Variants in LRRC4C observed in about 807,000 individuals in gnomAD.
LRRC4C encodes leucine rich repeat containing 4C.
A neutral mutation model predicts 33.6 loss-of-function variants in LRRC4C; 5 were observed. The observed-to-expected ratio is 0.15, with a 90% CI of 0.08 to 0.31. The LOEUF (loss-of-function observed/expected upper bound fraction) is 0.31. Ranked by LOEUF, LRRC4C falls within the 10% of genes least tolerant of loss-of-function variation. The pLI, the probability that LRRC4C is intolerant of heterozygous loss-of-function variation, is 1.00. For missense variants in LRRC4C, 560 were observed against 796.7 expected (o/e 0.70, Z 3.58); for synonymous variants, 329 against 302.0 (o/e 1.09, Z -0.93).
chr11:40,258,556 G>C (rs1006369389), intron 4 of LRRC4C, among the ~76,000 whole-genome samples: 1 of 152,148 alleles, frequency 6.6e-6, no homozygotes, highest in African/African-American at 2.4e-5. Context: ...GCTCCTTATA[G>C]AGAAAATGCT....
intron 2 of LRRC4C, among the ~76,000 whole-genome samples, chr11:40,912,214 T>C (rs878886255): frequency 2.0e-5 from 3 of 152,024 alleles, no homozygotes; most frequent in Admixed American, 2.0e-4. Flanking sequence ...AGATACTCCT[T>C]GAGAAGAGCA....
chr11:41,063,982 T>C (rs756049338), intron 1 of LRRC4C, among the ~76,000 whole-genome samples: 3 of 152,068 alleles, frequency 2.0e-5, no homozygotes, highest in Non-Finnish European at 4.4e-5. Context: ...AGGTGGGTAG[T>C]AAGGAAAGGG....
intron 1 of LRRC4C, among the ~76,000 whole-genome samples, chr11:41,362,945 C>T (rs575734818): frequency 6.6e-6 from 1 of 152,246 alleles, no homozygotes; most frequent in East Asian, 1.9e-4. Context: ...ATCACATCTG[C>T]AAATTCTCTT....
At chr11:40,190,839 A>AT (rs1454429814) in intron 5 of LRRC4C, among the ~76,000 whole-genome samples, 1 of 152,098 alleles carries the variant, frequency 6.6e-6, no homozygotes, top group Non-Finnish European at 1.5e-5. Flanking sequence ...AGAAAATTGG[A>AT]TTTTTATATC....
intron 2 of LRRC4C, among the ~76,000 whole-genome samples, chr11:40,930,311 T>G (rs533935902): frequency 5.9e-5 from 9 of 152,330 alleles, no homozygotes; most frequent in African/African-American, 2.2e-4. Flanking sequence ...TTTCTTATTA[T>G]CCGCTGCTAG....
At chr11:40,386,291 T>C (rs1181487210) in intron 3 of LRRC4C, among the ~76,000 whole-genome samples, 1 of 152,164 alleles carries the variant, frequency 6.6e-6, no homozygotes, top group Non-Finnish European at 1.5e-5. Flanking sequence ...CTAGCTGTAT[T>C]GAGGGTCAGG....
intron 3 of LRRC4C, among the ~76,000 whole-genome samples, chr11:40,566,091 T>G (rs948711247): frequency 1.3e-5 from 2 of 148,430 alleles, no homozygotes; most frequent in African/African-American, 2.5e-5. Context: ...ACTAAGTTTT[T>G]TTTTTTTTTT....
At chr11:40,593,529 A>T (rs1257861493) in intron 3 of LRRC4C, among the ~76,000 whole-genome samples, 1 of 152,216 alleles carries the variant, frequency 6.6e-6, no homozygotes, top group Non-Finnish European at 1.5e-5. Flanking sequence ...AGAGAAACAG[A>T]GAAAAGCACA....
intron 2 of LRRC4C, among the ~76,000 whole-genome samples, chr11:40,906,459 C>T (rs530417357): frequency 2.6e-5 from 4 of 151,708 alleles, no homozygotes; most frequent in African/African-American, 2.4e-5. Context: ...TGCAGTGAGC[C>T]GAGATCTCAC....
At chr11:41,162,405 C>A (rs1310234329) in intron 1 of LRRC4C, among the ~76,000 whole-genome samples, 1 of 152,104 alleles carries the variant, frequency 6.6e-6, no homozygotes, top group Non-Finnish European at 1.5e-5. Context: ...CTCAGTGATA[C>A]CCATAATTTC....
intron 2 of LRRC4C, among the ~76,000 whole-genome samples, chr11:40,918,320 C>A (rs1019851584): frequency 1.3e-5 from 2 of 151,838 alleles, no homozygotes; most frequent in African/African-American, 2.4e-5. Flanking sequence ...TGTGTGTGCA[C>A]CTTTGTGCAT....
chr11:40,549,076 A>G (rs886223215), intron 3 of LRRC4C, among the ~76,000 whole-genome samples: 1 of 152,176 alleles, frequency 6.6e-6, no homozygotes, highest in South Asian at 2.1e-4. Context: ...TAAAATATCT[A>G]TGGCTAAATG....
At chr11:40,670,917 C>T (rs551885749) in intron 2 of LRRC4C, among the ~76,000 whole-genome samples, 1 of 152,164 alleles carries the variant, frequency 6.6e-6, no homozygotes, top group African/African-American at 2.4e-5. Context: ...GTGCCCGCCA[C>T]CACGCCCTGC....
At chr11:40,982,242 C>T (rs111685121) in intron 1 of LRRC4C, among the ~76,000 whole-genome samples, 8 of 152,284 alleles carry the variant, frequency 5.3e-5, no homozygotes, top group African/African-American at 1.9e-4. Flanking sequence ...AAGTACTCTG[C>T]TCAACCATAT....
chr11:41,051,857 T>C (rs1858254904), intron 1 of LRRC4C, among the ~76,000 whole-genome samples: 1 of 152,180 alleles, frequency 6.6e-6, no homozygotes, highest in Admixed American at 6.5e-5. Context: ...TGGCATCTAA[T>C]GCAATATGCT....
intron 3 of LRRC4C, among the ~76,000 whole-genome samples, chr11:40,388,378 G>A (rs1949199046): frequency 6.6e-6 from 1 of 152,154 alleles, no homozygotes; most frequent in African/African-American, 2.4e-5. Context: ...GTCATCTGGT[G>A]ATGGGGCCAG....
At chr11:40,820,418 G>A (rs1454248646) in intron 2 of LRRC4C, among the ~76,000 whole-genome samples, 3 of 151,864 alleles carry the variant, frequency 2.0e-5, no homozygotes, top group Non-Finnish European at 4.4e-5. Context: ...ATTAGATGTG[G>A]CAGAAAGAAA....
intron 2 of LRRC4C, among the ~76,000 whole-genome samples, chr11:40,736,093 C>A (rs1947853733): frequency 6.6e-6 from 1 of 152,030 alleles, no homozygotes; most frequent in Admixed American, 6.6e-5. Flanking sequence ...GTACACGTGC[C>A]ATGGTGGTTT....
chr11:41,090,034 A>T (rs568900270), intron 1 of LRRC4C, among the ~76,000 whole-genome samples: 1 of 152,238 alleles, frequency 6.6e-6, no homozygotes, highest in South Asian at 2.1e-4. Context: ...ATTCATGGAA[A>T]GACTAAATGT....
Sources: gnomAD v4.1 joint callset for allele counts (sites outside exome capture counted in the v4.1 genomes callset) on GRCh38, gnomAD v4.1.1 for gene constraint, MANE v1.5 for transcripts, NCBI Gene and HGNC (gene_info 2026-07-23, HGNC 2026-07-21) for gene names.